The following SNRNP35 variants were observed in gnomAD, a reference collection of about 807,000 sequenced individuals.
The protein encoded by SNRNP35 is U11/U12 small nuclear ribonucleoprotein 35 kDa protein.
A neutral mutation model predicts 24.3 loss-of-function variants in SNRNP35; 16 were observed. The observed-to-expected ratio is 0.66, with a 90% CI of 0.45 to 1.00. The LOEUF is 1.00. SNRNP35 is among the 50% of genes least tolerant of loss of function. The pLI is 0.00. For synonymous variants in SNRNP35, 106 were observed against 124.8 expected, an observed-to-expected ratio of 0.85 and a Z score of 1.00; for missense variants, 292 against 327.2, an observed-to-expected ratio of 0.89 and a Z score of 0.83.
chr12:123,463,533 G>A (rs1444639867), intron 1 of SNRNP35, among the ~76,000 whole-genome samples: 1 of 149,122 alleles, frequency 6.7e-6, no homozygotes, highest in African/African-American at 2.5e-5. Flanking sequence ...GTGTGCAACT[G>A]TGCCCAGCTG....
downstream of SNRNP35, among the ~76,000 whole-genome samples, chr12:123,467,985 A>G (rs888401889): frequency 1.3e-5 from 2 of 152,188 alleles, no homozygotes; most frequent in Non-Finnish European, 2.9e-5. Flanking sequence ...CTTGTGAGAT[A>G]CCATCAGGAC....
At chr12:123,462,396 T>C (rs1002592049) in intron 1 of SNRNP35, among the ~76,000 whole-genome samples, 13 of 151,968 alleles carry the variant, frequency 8.6e-5, no homozygotes, top group South Asian at 2.1e-4. Context: ...GGAGCAAGCC[T>C]GGGTAGTTTA....
At position 123,465,068 on chromosome 12, in the gene SNRNP35, A is replaced by T. The variant is rs1880869973; in HGVS notation, c.-3-470A>T. On this transcript the variant is annotated intron_variant, in intron 1 of 1. Transcript: ENST00000526639. The surrounding 1 kb of genome is among the most constrained non-coding windows in gnomAD (Gnocchi z 4.2). ...GGTGAGAAGTTTGTGGAGGGTTATT[A>T]TATGATTCTCTATGTTGGTATTTGA... 1.3e-5 allele frequency among the ~76,000 whole-genome samples: 2 copies of T among 152,198 alleles called. No individual in the cohort carries two copies. Among genetic ancestry groups the T allele is most frequent in the Admixed American group, 6.6e-5 (1 of 15,258 alleles).
At chr12:123,463,558 A>G (rs928617246) in intron 1 of SNRNP35, among the ~76,000 whole-genome samples, 1 of 148,990 alleles carries the variant, frequency 6.7e-6, no homozygotes, top group Non-Finnish European at 1.5e-5. Flanking sequence ...TTGTATTTTT[A>G]GTAGAGACGG....
At chr12:123,469,180 A>G (rs1326442996), downstream of SNRNP35, among the ~76,000 whole-genome samples, 8 of 151,698 alleles carry the variant, frequency 5.3e-5, no homozygotes, top group Non-Finnish European at 1.2e-4. Context: ...TTTGAGACAG[A>G]GTCTCGCTCT....
At chr12:123,464,112 TA>T (rs1412302427) in intron 1 of SNRNP35, among the ~76,000 whole-genome samples, 2 of 151,604 alleles carry the variant, frequency 1.3e-5, no homozygotes, top group Non-Finnish European at 2.9e-5. Context: ...TTTGTATTTT[TA>T]GTTGAGATGG....
chr12:123,469,616 C>T (rs939900038), downstream of SNRNP35, among the ~76,000 whole-genome samples: 4 of 152,086 alleles, frequency 2.6e-5, no homozygotes, highest in African/African-American at 9.7e-5. Flanking sequence ...GCCTTAGCCT[C>T]CCAAGTAGCT....
At chr12:123,463,036 T>A (rs1240078856) in intron 1 of SNRNP35, among the ~76,000 whole-genome samples, 1 of 152,174 alleles carries the variant, frequency 6.6e-6, no homozygotes, top group African/African-American at 2.4e-5. Flanking sequence ...AACTACTGTA[T>A]ATATTTCACA....
exon 2 of SNRNP35, chr12:123,472,400 A>G: frequency 1.2e-6 from 1 of 852,912 alleles, no homozygotes; most frequent in South Asian, 1.9e-5. Flanking sequence ...TCCTCAAATC[A>G]GACAGTCTGT....
downstream of SNRNP35, among the ~76,000 whole-genome samples, chr12:123,469,729 C>G (rs1392207198): frequency 3.3e-5 from 5 of 152,158 alleles, no homozygotes; most frequent in South Asian, 2.1e-4. Context: ...TCTTAAACTC[C>G]TGGGCTCAAG....
In SNRNP35 at chr12:123,466,065, C is replaced by A; in HGVS notation, c.525C>A (p.Leu175=). The A allele has an allele frequency of 6.2e-7, 1 of 1,613,888 alleles. No homozygotes were observed. Among genetic ancestry groups the A allele is most frequent in the Non-Finnish European group, 8.5e-7 (1 of 1,179,992 alleles). Residue 175 remains leucine (L), a synonymous_variant, in exon 2 of 2, where the codon CTC becomes CTA. Transcript: ENST00000526639. ...PINLPVVKND[L]YREGKRERRE... ...ACTTGCCAGTTGTTAAAAACGACCT[C>A]TATAGAGAGGGAAAACGGGAAAGGC... is the stretch of plus-strand genomic sequence containing the variant.
intron 1 of SNRNP35, among the ~76,000 whole-genome samples, chr12:123,463,765 T>C (rs923728312): frequency 6.6e-6 from 1 of 151,286 alleles, no homozygotes; most frequent in Non-Finnish European, 1.5e-5. Context: ...TTGGTTTTTA[T>C]TTTTTATTTT....
chr12:123,470,906 T>C (rs977768269), downstream of SNRNP35: 1 of 152,186 alleles, frequency 6.6e-6, no homozygotes, highest in African/African-American at 2.4e-5. Flanking sequence ...TACCTGCTTC[T>C]ATACTCTTTG....
downstream of SNRNP35, chr12:123,471,584 T>TAGCC (rs1383639283): frequency 6.6e-6 from 1 of 152,190 alleles, no homozygotes; most frequent in Non-Finnish European, 1.5e-5. Flanking sequence ...TCTGCTGCTA[T>TAGCC]AGCCCTGTGA....
At chr12:123,460,956 CTTTTTTTTTTTTT>C (rs35246652) in intron 1 of SNRNP35, among the ~76,000 whole-genome samples, 18 of 122,776 alleles carry the variant, frequency 1.5e-4, no homozygotes, top group Non-Finnish European at 2.5e-4. Context: ...TGCGCCTGGC[CTTTTTTTTTTTTT>C]TTTTTTTTTT....
rs369929722 is a variant in SNRNP35, at chr12:123,463,807, C to T, written c.-3-1731C>T. ...TGAGACAGAGCCTCGCTTTGTTGCC[C>T]AGGCTGGAGTGCAGTGGTGTAATCT... On this transcript the variant is annotated intron_variant, in intron 1 of 1. Coordinates refer to ENST00000526639, the MANE Select transcript of SNRNP35 (RefSeq NM_022717.4). 3.8e-4 allele frequency among the ~76,000 whole-genome samples: 57 copies of T among 151,528 alleles called. No homozygotes were observed. In the East Asian group the frequency reaches 6.2e-3, roughly 17 times the overall value.
In SNRNP35 at chr12:123,458,167, C is replaced by G. The variant is rs995869491; in HGVS notation, c.-53C>G. On this transcript the variant is annotated 5_prime_UTR_variant, in exon 1 of 2. Coordinates refer to ENST00000526639, the MANE Select transcript of SNRNP35 (RefSeq NM_022717.4). ...GCCGGCGCGGAGAATCTGCTGTCGC[C>G]TGCAGCTGCTCGCCTGTCTCCGTCG... 1.0e-6 allele frequency: 1 copy of G among 985,462 alleles called. No individual in the cohort carries two copies. Among genetic ancestry groups the G allele is most frequent in the South Asian group, 4.7e-5 (1 of 21,292 alleles). The allele number at this position is 985,462 out of a possible 1,614,324, so 61.0% of individuals were successfully genotyped here. A position where few individuals can be genotyped will look rare whatever the true frequency, so the allele number is the denominator to read the frequency against.
chr12:123,469,352 T>C (rs764934262), downstream of SNRNP35, among the ~76,000 whole-genome samples: 4 of 151,954 alleles, frequency 2.6e-5, no homozygotes, highest in Non-Finnish European at 5.9e-5. Context: ...ATGGGATTTC[T>C]CTATGTTGGC....
intron 1 of SNRNP35, 29 bp downstream of exon 1, chr12:123,458,245 G>T (rs1880384743): frequency 1.0e-6 from 1 of 985,114 alleles, no homozygotes. Flanking sequence ...GAAGGAGCGG[G>T]CCCCACGCCG....
Sources: gnomAD v4.1 joint callset for allele counts (sites outside exome capture counted in the v4.1 genomes callset) on GRCh38, gnomAD v4.1.1 for gene constraint, Gnocchi (gnomAD v3.1) non-coding constraint, MANE v1.5 for transcripts, NCBI Gene and HGNC (gene_info 2026-07-23, HGNC 2026-07-21) for gene names.